LRFN5: variants seen among roughly 807,000 people sequenced by gnomAD.
LRFN5 encodes leucine rich repeat and fibronectin type III domain containing 5.
A neutral mutation model predicts 45.6 loss-of-function variants in LRFN5; 24 were observed. The observed-to-expected ratio is 0.53, with a 90% CI of 0.38 to 0.74. The LOEUF is 0.74. LRFN5 is among the 30% of genes least tolerant of loss of function. The probability of loss-of-function intolerance (pLI) is 0.00; values close to 1 mark genes in which losing one functional copy is unlikely to be tolerated. For missense variants in LRFN5, 776 were observed against 861.5 expected (o/e 0.90, Z 1.24); for synonymous variants, 340 against 313.8 (o/e 1.08, Z -0.88).
intron 2 of LRFN5, among the ~76,000 whole-genome samples, chr14:41,817,585 C>G (rs1430649571): frequency 6.6e-6 from 1 of 152,128 alleles, no homozygotes; most frequent in African/African-American, 2.4e-5. Flanking sequence ...CTCCAGGTCA[C>G]TTAGACTCTG....
At chr14:41,731,040 A>G (rs1318895662) in intron 1 of LRFN5, among the ~76,000 whole-genome samples, 1 of 152,066 alleles carries the variant, frequency 6.6e-6, no homozygotes, top group African/African-American at 2.4e-5. Context: ...ATATATTTCA[A>G]GACTCTTAAT....
intron 1 of LRFN5, among the ~76,000 whole-genome samples, chr14:41,639,415 T>C (rs1287531312): frequency 6.6e-6 from 1 of 152,146 alleles, no homozygotes; most frequent in Admixed American, 6.6e-5. Flanking sequence ...GTGGAGGTTC[T>C]CATTGAAAGA....
intron 1 of LRFN5, among the ~76,000 whole-genome samples, chr14:41,654,172 A>G (rs1030350238): frequency 6.6e-6 from 1 of 152,114 alleles, no homozygotes; most frequent in African/African-American, 2.4e-5. Context: ...CGTTGTGCAC[A>G]TGTACCCTAG....
At chr14:41,863,039 T>C (rs1483886819) in intron 2 of LRFN5, among the ~76,000 whole-genome samples, 1 of 151,940 alleles carries the variant, frequency 6.6e-6, no homozygotes, top group Admixed American at 6.6e-5. Context: ...TAATTTTTTG[T>C]ATTTTTTAGT....
chr14:41,786,387 AATTT>A (rs1886720979), intron 2 of LRFN5, among the ~76,000 whole-genome samples: 1 of 151,886 alleles, frequency 6.6e-6, no homozygotes, highest in Non-Finnish European at 1.5e-5. Context: ...TTAATACATT[AATTT>A]AACATTTTTT....
At chr14:41,778,349 T>C (rs1886366344) in intron 2 of LRFN5, among the ~76,000 whole-genome samples, 1 of 151,664 alleles carries the variant, frequency 6.6e-6, no homozygotes, top group Non-Finnish European at 1.5e-5. Flanking sequence ...ATGCAGACAA[T>C]TTGTGTAATT....
intron 2 of LRFN5, among the ~76,000 whole-genome samples, chr14:41,850,152 A>C (rs965413467): frequency 6.6e-6 from 1 of 151,980 alleles, no homozygotes; most frequent in Non-Finnish European, 1.5e-5. Flanking sequence ...TATTATGTAC[A>C]TGTATACTAC....
chr14:41,807,914 C>T (rs1887577573), intron 2 of LRFN5, among the ~76,000 whole-genome samples: 1 of 151,844 alleles, frequency 6.6e-6, no homozygotes, highest in Non-Finnish European at 1.5e-5. Flanking sequence ...GAATAATTTT[C>T]ACGATGTTTA....
At chr14:41,894,980 T>C (rs1890892744) in intron 4 of LRFN5, 29 of 976,682 alleles carry the variant, frequency 3.0e-5, no homozygotes, top group Non-Finnish European at 3.5e-5. Flanking sequence ...ATATATATTA[T>C]TTTTGCTTCC....
chr14:41,859,751 A>G (rs1468711056), intron 2 of LRFN5, among the ~76,000 whole-genome samples: 1 of 152,190 alleles, frequency 6.6e-6, no homozygotes, highest in Non-Finnish European at 1.5e-5. Context: ...CAGTTTTAAC[A>G]TTTCTTTTTG....
At chr14:41,657,615 G>A (rs777616371) in intron 1 of LRFN5, among the ~76,000 whole-genome samples, 11 of 151,952 alleles carry the variant, frequency 7.2e-5, no homozygotes, top group African/African-American at 2.4e-4. Context: ...CTTATAATAT[G>A]TGAGAAATAG....
intron 1 of LRFN5, among the ~76,000 whole-genome samples, chr14:41,610,676 A>AT (rs1887718302): frequency 6.7e-6 from 1 of 148,726 alleles, no homozygotes; most frequent in Non-Finnish European, 1.5e-5. Flanking sequence ...AAAAAAAAAA[A>AT]AAAAAAAGTG....
intron 1 of LRFN5, among the ~76,000 whole-genome samples, chr14:41,649,431 TAGC>T (rs1879980778): frequency 6.6e-6 from 1 of 152,178 alleles, no homozygotes; most frequent in African/African-American, 2.4e-5. Context: ...ATTTAATATT[TAGC>T]TGTTAAGATA....
chr14:41,847,232 A>T (rs1889100333), intron 2 of LRFN5, among the ~76,000 whole-genome samples: 1 of 152,080 alleles, frequency 6.6e-6, no homozygotes, highest in Non-Finnish European at 1.5e-5. Flanking sequence ...ATTTCTGTTA[A>T]AAGTGAGCTA....
intron 2 of LRFN5, among the ~76,000 whole-genome samples, chr14:41,883,995 T>C (rs1247850947): frequency 6.6e-6 from 1 of 152,230 alleles, no homozygotes; most frequent in South Asian, 2.1e-4. Flanking sequence ...TATTACAGCA[T>C]GGTTTGTACC....
chr14:41,657,539 G>C (rs1880436975), intron 1 of LRFN5, among the ~76,000 whole-genome samples: 1 of 151,886 alleles, frequency 6.6e-6, no homozygotes, highest in Non-Finnish European at 1.5e-5. Context: ...AGCTCATAAG[G>C]TAATTTGGAA....
At chr14:41,836,397 A>T (rs1888663585) in intron 2 of LRFN5, among the ~76,000 whole-genome samples, 2 of 152,212 alleles carry the variant, frequency 1.3e-5, no homozygotes, top group Non-Finnish European at 2.9e-5. Flanking sequence ...CTTGATATAC[A>T]TGTATATACA....
intron 1 of LRFN5, among the ~76,000 whole-genome samples, chr14:41,673,995 C>CTGCT (rs1881422878): frequency 6.9e-6 from 1 of 145,428 alleles, no homozygotes; most frequent in East Asian, 2.2e-4. Flanking sequence ...GGCGGAGACG[C>CTGCT]TGCTCACTTC....
chr14:41,853,079 C>T (rs184471673), intron 2 of LRFN5, among the ~76,000 whole-genome samples: 14 of 151,988 alleles, frequency 9.2e-5, no homozygotes, highest in Admixed American at 3.3e-4. Flanking sequence ...AAAGTAGTAG[C>T]TAATTTGTTT....
Sources: gnomAD v4.1 joint callset for allele counts (sites outside exome capture counted in the v4.1 genomes callset) on GRCh38, gnomAD v4.1.1 for gene constraint, MANE v1.5 for transcripts, NCBI Gene and HGNC (gene_info 2026-07-23, HGNC 2026-07-21) for gene names.